Variants in PCDHA8 observed in about 807,000 individuals in gnomAD.
PCDHA8 encodes the protein protocadherin alpha 8.
A neutral mutation model predicts 61.8 loss-of-function variants in PCDHA8; 53 were observed. That is an observed-to-expected ratio of 0.86 (90% confidence interval 0.69 to 1.08). The LOEUF is 1.08. Among genes scored for constraint, PCDHA8 ranks in the 50% least tolerant of loss-of-function variants. The pLI is 0.00. For synonymous variants in PCDHA8, 618 were observed against 556.6 expected, an observed-to-expected ratio of 1.11 and a Z score of -1.55; for missense variants, 1,293 against 1,245.0, an observed-to-expected ratio of 1.04 and a Z score of -0.58.
At chr5:140,940,894 T>G (rs1364224332) in intron 1 of PCDHA8, among the ~76,000 whole-genome samples, 1 of 152,240 alleles carries the variant, frequency 6.6e-6, no homozygotes, top group Non-Finnish European at 1.5e-5. Flanking sequence ...AGTAAACCAC[T>G]TTAAATCAAG....
rs546510910 is a variant in PCDHA8, at chr5:140,894,996, C to G, written c.2394+51281C>G. ...GTCTTACTTTGTGACATCCTTTACC[C>G]TTTTTACTTGGACCTTTTTCCTTTG... is the stretch of plus-strand genomic sequence containing the variant. On this transcript the variant is annotated intron_variant, in intron 1 of 3. Transcript: ENST00000531613. Among the ~76,000 whole-genome samples, 5 of 152,204 alleles carry G rather than the reference C, an allele frequency of 3.3e-5. No homozygotes were observed. The East Asian group carries it at 9.6e-4, about 29-fold the overall frequency.
intron 1 of PCDHA8, among the ~76,000 whole-genome samples, chr5:140,925,577 C>T (rs931426226): frequency 2.6e-5 from 4 of 151,714 alleles, no homozygotes; most frequent in Non-Finnish European, 5.9e-5. Context: ...AGCACACCAA[C>T]ATGGCGCATG....
chr5:140,928,896 A>G, intron 1 of PCDHA8: 3 of 1,614,108 alleles, frequency 1.9e-6, no homozygotes, highest in Non-Finnish European at 2.5e-6. Context: ...CAGACTTTGA[A>G]GATGTCTGGG....
intron 1 of PCDHA8, among the ~76,000 whole-genome samples, chr5:140,921,032 T>A (rs6887800): frequency 0.023 from 3,565 of 152,036 alleles, 50 homozygotes; most frequent in Middle Eastern, 0.034. Context: ...TAGACTGGGG[T>A]GCAGTGGGGC....
chr5:140,994,892 G>A (rs1554254386), intron 3 of PCDHA8, among the ~76,000 whole-genome samples: 2 of 152,192 alleles, frequency 1.3e-5, no homozygotes, highest in Non-Finnish European at 2.9e-5. Flanking sequence ...TAGGAAATGA[G>A]ATCAGAAATG....
chr5:140,861,303 G>A (rs1290097316), intron 1 of PCDHA8: 2 of 189,476 alleles, frequency 1.1e-5, no homozygotes, highest in Non-Finnish European at 2.2e-5. Context: ...TGTGAAGCGG[G>A]AAAGGACCAG....
chr5:140,850,333 C>G lies in PCDHA8; in HGVS notation c.2394+6618C>G, dbSNP rs2150480069. 3.1e-6 allele frequency: 5 copies of G among 1,597,624 alleles called. 1 individual carries two copies. The highest frequency in any genetic ancestry group is 4.3e-6 in the Non-Finnish European group (5 of 1,167,680). ...GCGTGGCTTTCATACGAGCTGCAGC[C>G]AGAAACGGCCAGCGCGAGCATCCCG... On this transcript the variant is annotated intron_variant, in intron 1 of 3. Coordinates refer to ENST00000531613, the MANE Select transcript of PCDHA8 (RefSeq NM_018911.3).
intron 1 of PCDHA8, chr5:140,927,708 A>G: frequency 6.2e-7 from 1 of 1,614,202 alleles, no homozygotes; most frequent in Non-Finnish European, 8.5e-7. Context: ...AGTACTCCCT[A>G]AGCAACAGCA....
intron 1 of PCDHA8, among the ~76,000 whole-genome samples, chr5:140,940,745 T>C (rs1554213585): frequency 6.6e-6 from 1 of 152,260 alleles, no homozygotes; most frequent in Non-Finnish European, 1.5e-5. Flanking sequence ...CATATTTTTA[T>C]GTGTGCCAAC....
chr5:140,966,385 G>C (rs1486179807), intron 1 of PCDHA8: 1 of 405,050 alleles, frequency 2.5e-6, no homozygotes, highest in East Asian at 3.6e-5. Flanking sequence ...CGGGTTCGCT[G>C]TCCGCCACTT....
At chr5:140,911,892 G>A (rs2075679347) in intron 1 of PCDHA8, among the ~76,000 whole-genome samples, 1 of 152,176 alleles carries the variant, frequency 6.6e-6, no homozygotes. Flanking sequence ...ACCAAAATCT[G>A]TATTAGTCAG....
intron 1 of PCDHA8, chr5:140,861,364 C>T (rs1581608735): frequency 2.8e-6 from 1 of 356,870 alleles, no homozygotes; most frequent in South Asian, 2.7e-5. Flanking sequence ...AGCGTCTTCG[C>T]GGTCCCTATT....
chr5:140,869,928 A>T, intron 1 of PCDHA8: 1 of 1,611,724 alleles, frequency 6.2e-7, no homozygotes, highest in Non-Finnish European at 8.5e-7. Flanking sequence ...GAGTCAATGG[A>T]GAGGTAACAT....
At chr5:141,005,701 CAAAAAAAAAAAAAA>C (rs59860837) in intron 3 of PCDHA8, among the ~76,000 whole-genome samples, 79 of 7,792 alleles carry the variant, frequency 0.01, 1 homozygote, top group Admixed American at 0.027. Flanking sequence ...AACTCCGTCT[CAAAAAAAAAAAAAA>C]AAAAAAAAAA....
At position 140,966,633 on chromosome 5, in the gene PCDHA8, C is replaced by T. The variant is rs2096029445; in HGVS notation, c.2395-12316C>T. ...GGCCTACGGAGGGAGCGGCCCCAGG[C>T]GCTTTCTAGAGCGTGAGCGGTGGGG... On this transcript the variant is annotated intron_variant, in intron 1 of 3. Transcript: ENST00000531613. 9 of 1,005,684 alleles carry T rather than the reference C, an allele frequency of 8.9e-6. No homozygotes were observed. In the South Asian group the frequency reaches 1.6e-4, roughly 18 times the overall value. 62.3% of individuals were successfully genotyped at this position (1,005,684 alleles called of 1,614,324 possible).
At chr5:140,968,665 T>C (rs782078145) in intron 1 of PCDHA8, 4 of 1,614,042 alleles carry the variant, frequency 2.5e-6, no homozygotes, top group Non-Finnish European at 3.4e-6. Context: ...TGGACCTCTT[T>C]AAGGTAGAGC....
chr5:140,992,558 G>A (rs567645353), intron 3 of PCDHA8, among the ~76,000 whole-genome samples: 27 of 152,256 alleles, frequency 1.8e-4, no homozygotes, highest in African/African-American at 5.8e-4. Context: ...CCAGGAGATG[G>A]GGCAACACAT....
chr5:140,879,894 T>C (rs2153369518), intron 1 of PCDHA8, among the ~76,000 whole-genome samples: 1 of 152,348 alleles, frequency 6.6e-6, no homozygotes. Context: ...CTCCTCTCCA[T>C]GTCTCTCTCT....
chr5:140,988,900 G>A (rs2097319351), intron 3 of PCDHA8: 1 of 152,194 alleles, frequency 6.6e-6, no homozygotes, highest in Admixed American at 6.5e-5. Context: ...ACATTTTAGA[G>A]GGTGTAGTGA....
Sources: allele counts gnomAD v4.1 joint callset (sites outside exome capture counted in the v4.1 genomes callset), GRCh38; gene constraint gnomAD v4.1.1; transcripts MANE v1.5; gene names NCBI Gene and HGNC (gene_info 2026-07-23, HGNC 2026-07-21).